C16orf74: variants seen among roughly 807,000 people sequenced by gnomAD.
C16orf74 encodes the protein calcimembrin.
Under a neutral mutation model 6.5 loss-of-function variants are expected in C16orf74, and 10 were observed. The observed-to-expected ratio is 1.54, with a 90% CI of 0.95 to 2.61. The LOEUF (loss-of-function observed/expected upper bound fraction) is 2.61. Ranked by LOEUF, C16orf74 falls within the 30% of genes most tolerant of loss-of-function variation. The probability of loss-of-function intolerance (pLI) is 0.00; values close to 1 mark genes in which losing one functional copy is unlikely to be tolerated. For missense variants in C16orf74, 141 were observed against 105.9 expected, an observed-to-expected ratio of 1.33 and a Z score of -1.45; for synonymous variants, 60 against 42.5, an observed-to-expected ratio of 1.41 and a Z score of -1.60.
intron 1 of C16orf74, among the ~76,000 whole-genome samples, chr16:85,748,752 G>T (rs2054401951): frequency 6.6e-6 from 1 of 152,064 alleles, no homozygotes; most frequent in Non-Finnish European, 1.5e-5. Context: ...TTAGTCTGAA[G>T]GTCTGCACTG....
At chr16:85,738,521 G>A (rs1490125422) in intron 1 of C16orf74, among the ~76,000 whole-genome samples, 1 of 151,522 alleles carries the variant, frequency 6.6e-6, no homozygotes, top group East Asian at 2.0e-4. Context: ...AGTAGAAATG[G>A]GATTTTGTCA....
chr16:85,743,274 CT>C, intron 1 of C16orf74: 1 of 152,236 alleles, frequency 6.6e-6, no homozygotes, highest in East Asian at 1.9e-4. Flanking sequence ...GGAAGAGCCA[CT>C]GTTACCTTAA....
intron 1 of C16orf74, among the ~76,000 whole-genome samples, chr16:85,739,044 A>G (rs1243624595): frequency 6.6e-6 from 1 of 152,178 alleles, no homozygotes; most frequent in Non-Finnish European, 1.5e-5. Context: ...CAGGGGACAG[A>G]GCTTCCAGGA....
chr16:85,735,253 C>T lies in C16orf74; in HGVS notation c.-18-18G>A, dbSNP rs371375931. 2.5e-5 allele frequency: 39 copies of T among 1,551,408 alleles called. No individual in the cohort carries two copies. Among genetic ancestry groups the T allele is most frequent in the Middle Eastern group, 1.7e-4 (1 of 5,906 alleles). ...CTGCAGGCCTGTGGAGAGAGGACAG[C>T]GCTGAGAGAGGGGAGGGCGCGACTT... On this transcript the variant is annotated intron_variant, in intron 1 of 3. Transcript: ENST00000284245.
rs945782683 is a variant in C16orf74 at position 85,711,634 on chromosome 16, A to C, written c.29-1327T>G. Among the ~76,000 whole-genome samples the C allele has an allele frequency of 1.6e-4, 25 of 151,940 alleles. 1 individual carries two copies. The highest frequency in any genetic ancestry group is 6.0e-4 in the African/African-American group (25 of 41,448). ...GTGAAACTCTGTCTCAAAAAAAAAA[A>C]AAAAAAAAAAAATTAAACGCAACCA... On this transcript the variant is annotated intron_variant, in intron 2 of 3. Transcript: ENST00000284245.
chr16:85,735,041 T>C, intron 2 of C16orf74, 149 bp downstream of exon 2: 2 of 520,932 alleles, frequency 3.8e-6, no homozygotes, highest in South Asian at 3.8e-5. Context: ...CAAGCATTTT[T>C]AGAGCACCTG....
chr16:85,725,109 G>A (rs1227009235), intron 2 of C16orf74, among the ~76,000 whole-genome samples: 2 of 152,198 alleles, frequency 1.3e-5, no homozygotes, highest in Admixed American at 6.5e-5. Context: ...CAGGAGGGGT[G>A]CCCGCTCTGC....
chr16:85,735,247 G>A lies in C16orf74; in HGVS notation c.-18-12C>T. ...GCACCTCTGCAGGCCTGTGGAGAGA[G>A]GACAGCGCTGAGAGAGGGGAGGGCG... is the stretch of plus-strand genomic sequence containing the variant. On this transcript the variant is annotated splice_polypyrimidine_tract_variant and intron_variant, in intron 1 of 3. Coordinates refer to ENST00000284245, the MANE Select transcript of C16orf74 (RefSeq NM_206967.3). 1 of 1,558,596 alleles carries A rather than the reference G, an allele frequency of 6.4e-7. No individual in the cohort carries two copies.
At chr16:85,734,681 GC>G (rs2054224995) in intron 2 of C16orf74, among the ~76,000 whole-genome samples, 1 of 152,196 alleles carries the variant, frequency 6.6e-6, no homozygotes, top group Non-Finnish European at 1.5e-5. Flanking sequence ...GGTCTGAGGT[GC>G]CCCAGGGCCA....
rs1257695183 is a variant in C16orf74, at chr16:85,725,609, G to GTCT, written c.28+9578_28+9580dup. Among the ~76,000 whole-genome samples the GTCT allele has an allele frequency of 3.9e-5, 6 of 152,206 alleles. No homozygotes were observed. The East Asian group carries it at 9.7e-4, about 25-fold the overall frequency. ...TGTATTTCTTCTTTTTTGAGACAGGGTCTTGCTCTGTTGCCAGGCTGGAGT... is the reference window on the plus strand; with the variant it reads ...TGTATTTCTTCTTTTTTGAGACAGGGTCTTCTTGCTCTGTTGCCAGGCTGGAGT... On this transcript the variant is annotated intron_variant, in intron 2 of 3. Transcript: ENST00000284245.
chr16:85,735,900 A>G (rs1405784541), intron 1 of C16orf74, among the ~76,000 whole-genome samples: 2 of 152,160 alleles, frequency 1.3e-5, no homozygotes, highest in African/African-American at 4.8e-5. Context: ...CTCACTCCTC[A>G]GTAACAGCCC....
rs1342199391 is a variant in C16orf74, at chr16:85,722,161, G to A, written c.29-11854C>T. Among the ~76,000 whole-genome samples, 11 of 151,974 alleles carry A rather than the reference G, an allele frequency of 7.2e-5. No homozygotes were observed. In the South Asian group the frequency reaches 2.3e-3, roughly 32 times the overall value. On this transcript the variant is annotated intron_variant, in intron 2 of 3. Coordinates refer to ENST00000284245, the MANE Select transcript of C16orf74 (RefSeq NM_206967.3). ...TTCTAGGTGTGAGCCACTGTGCCCAGCTCTGACTGTAACTTTTGCCCTAGA... is the reference window on the plus strand; with the variant it reads ...TTCTAGGTGTGAGCCACTGTGCCCAACTCTGACTGTAACTTTTGCCCTAGA...
chr16:85,718,011 G>C lies in C16orf74; in HGVS notation c.29-7704C>G, dbSNP rs374130686. Among the ~76,000 whole-genome samples, 15 of 152,350 alleles carry C rather than the reference G, an allele frequency of 9.8e-5. No individual in the cohort carries two copies. In the East Asian group the frequency reaches 2.9e-3, roughly 29 times the overall value. Reference sequence around the variant, plus strand: ...AACTCCCGGCCGCCCAGAGGTCACCGCAGACACCCGCTGGAGACAGGAGCA... The same window carrying C: ...AACTCCCGGCCGCCCAGAGGTCACCCCAGACACCCGCTGGAGACAGGAGCA... On this transcript the variant is annotated intron_variant, in intron 2 of 3. Transcript: ENST00000284245.
chr16:85,744,733 G>A (rs750981903), intron 1 of C16orf74, among the ~76,000 whole-genome samples: 4 of 151,290 alleles, frequency 2.6e-5, no homozygotes, highest in Non-Finnish European at 5.9e-5. Context: ...GGGAGGCTGA[G>A]GCAGGAGAAT....
intron 1 of C16orf74, among the ~76,000 whole-genome samples, chr16:85,737,962 T>A (rs1418238160): frequency 1.7e-4 from 2 of 12,086 alleles, no homozygotes; most frequent in African/African-American, 3.2e-4. Flanking sequence ...TTTTTTGTGA[T>A]TTTTTTTTTT....
At chr16:85,719,408 C>A (rs776943099) in intron 2 of C16orf74, among the ~76,000 whole-genome samples, 1 of 152,082 alleles carries the variant, frequency 6.6e-6, no homozygotes, top group Non-Finnish European at 1.5e-5. Context: ...GGGAGGGGCC[C>A]ACGATGCTGA....
Position 85,707,975 on chromosome 16 carries a change from C to T in C16orf74, c.*33G>A. 1.3e-6 allele frequency: 2 copies of T among 1,545,378 alleles called. No individual in the cohort carries two copies. Among genetic ancestry groups the T allele is most frequent in the South Asian group, 2.4e-5 (2 of 83,960 alleles). On this transcript the variant is annotated 3_prime_UTR_variant, in exon 4 of 4. Coordinates refer to ENST00000284245, the MANE Select transcript of C16orf74 (RefSeq NM_206967.3). Reference sequence around the variant, plus strand: ...GACACCTGAAGCCGGGCCGCTGGAGCAGGAGCCAGCCAGCCAAACCCAGGA... The same window carrying T: ...GACACCTGAAGCCGGGCCGCTGGAGTAGGAGCCAGCCAGCCAAACCCAGGA...
chr16:85,743,895 T>C (rs1366968444), intron 1 of C16orf74, among the ~76,000 whole-genome samples: 1 of 151,556 alleles, frequency 6.6e-6, no homozygotes, highest in Non-Finnish European at 1.5e-5. Context: ...CTACTAAAAA[T>C]ACAAAAAAAT....
intron 2 of C16orf74, among the ~76,000 whole-genome samples, chr16:85,729,097 G>T (rs1304120937): frequency 6.6e-6 from 1 of 152,064 alleles, no homozygotes; most frequent in Non-Finnish European, 1.5e-5. Flanking sequence ...ACCTGGAGAG[G>T]GCGCACTTAG....
Sources: gnomAD v4.1 joint callset for allele counts (sites outside exome capture counted in the v4.1 genomes callset) on GRCh38, gnomAD v4.1.1 for gene constraint, MANE v1.5 for transcripts, NCBI Gene and HGNC (gene_info 2026-07-23, HGNC 2026-07-21) for gene names.